Variants in BPNT1 observed in about 807,000 individuals in gnomAD.
BPNT1 encodes 3'(2'),5'-bisphosphate nucleotidase 1.
In BPNT1, 28 loss-of-function variants were observed where a neutral mutation model predicts 36.9. The ratio of observed to expected loss-of-function variants is 0.76; its 90% confidence interval spans 0.56 to 1.04. BPNT1 has a LOEUF of 1.04. BPNT1 is among the 50% of genes least tolerant of loss of function. The probability of loss-of-function intolerance (pLI) is 0.00; values close to 1 mark genes in which losing one functional copy is unlikely to be tolerated. For synonymous variants in BPNT1, 119 were observed against 130.9 expected (o/e 0.91, Z 0.62); for missense variants, 313 against 372.9 (o/e 0.84, Z 1.32).
At chr1:220,080,987 C>T (rs982191612) in intron 1 of BPNT1, among the ~76,000 whole-genome samples, 30 of 152,294 alleles carry the variant, frequency 2.0e-4, no homozygotes, top group South Asian at 1.2e-3. Flanking sequence ...TTTTTTGAGA[C>T]GGAGTCTCGC....
At chr1:220,074,575 A>G (rs982935373) in intron 2 of BPNT1, among the ~76,000 whole-genome samples, 7 of 151,822 alleles carry the variant, frequency 4.6e-5, no homozygotes, top group Non-Finnish European at 8.8e-5. Context: ...AGCTCACTGC[A>G]AACTCTGCCT....
rs371200572 is a variant in BPNT1 at position 220,069,352 on chromosome 1, C to T, written c.382+32G>A. 7 of 1,526,488 alleles carry T rather than the reference C, an allele frequency of 4.6e-6. No homozygotes were observed. The South Asian group carries it at 7.2e-5, about 16-fold the overall frequency. 94.6% of individuals were successfully genotyped at this position (1,526,488 alleles called of 1,614,324 possible). The stretch of plus-strand genomic sequence containing the variant: ...CTAACATCATATCCTTGTCCCACTA[C>T]TGTCAAATATGAATACAAAAGAGAT... On this transcript the variant is annotated intron_variant, in intron 5 of 8. Coordinates refer to ENST00000322067, the MANE Select transcript of BPNT1 (RefSeq NM_006085.6).
At chr1:220,075,301 C>T (rs1664448090) in intron 2 of BPNT1, among the ~76,000 whole-genome samples, 1 of 152,192 alleles carries the variant, frequency 6.6e-6, no homozygotes, top group African/African-American at 2.4e-5. Flanking sequence ...CTCGGGCTCC[C>T]AAAGTGCTGG....
intron 1 of BPNT1, among the ~76,000 whole-genome samples, chr1:220,084,847 A>G (rs1266021736): frequency 6.6e-6 from 1 of 152,230 alleles, no homozygotes; most frequent in Admixed American, 6.5e-5. Context: ...TAAGAAATAG[A>G]AGACAATAAA....
At chr1:220,076,203 C>T (rs1664530835) in intron 2 of BPNT1, among the ~76,000 whole-genome samples, 1 of 151,820 alleles carries the variant, frequency 6.6e-6, no homozygotes, top group South Asian at 2.1e-4. Flanking sequence ...CCTGCCTCTA[C>T]TAAAAATACA....
intron 1 of BPNT1, among the ~76,000 whole-genome samples, chr1:220,082,304 G>A (rs916482383): frequency 3.3e-5 from 5 of 150,164 alleles, no homozygotes; most frequent in South Asian, 2.1e-4. Context: ...CCTCAGCCTC[G>A]TGAGTAGCTG....
intron 1 of BPNT1, among the ~76,000 whole-genome samples, chr1:220,087,850 T>A (rs1304519025): frequency 6.6e-6 from 1 of 151,904 alleles, no homozygotes; most frequent in Non-Finnish European, 1.5e-5. Flanking sequence ...CAATGAGAAA[T>A]GATTATTTTA....
chr1:220,086,701 G>A (rs1327370032), intron 1 of BPNT1, among the ~76,000 whole-genome samples: 1 of 150,792 alleles, frequency 6.6e-6, no homozygotes, highest in Non-Finnish European at 1.5e-5. Context: ...TCAGCCTCTT[G>A]AGTAGCTGGG....
In BPNT1 at chr1:220,064,401, G is replaced by A. The variant is rs776992853; in HGVS notation, c.475-1447C>T. On this transcript the variant is annotated intron_variant, in intron 6 of 8. Coordinates refer to ENST00000322067, the MANE Select transcript of BPNT1 (RefSeq NM_006085.6). Reference sequence around the variant, plus strand: ...AGGTGGTATGTTTGTTAGGAAGTGCGCTTGGTATCAACACCTGTGGAAGGA... The same window carrying A: ...AGGTGGTATGTTTGTTAGGAAGTGCACTTGGTATCAACACCTGTGGAAGGA... Among the ~76,000 whole-genome samples the A allele has an allele frequency of 3.9e-5, 6 of 152,166 alleles. No individual in the cohort carries two copies. The East Asian group carries it at 5.8e-4, about 15-fold the overall frequency.
chr1:220,074,005 C>T lies in BPNT1; in HGVS notation c.187G>A (p.Ala63Thr). Residue 63 changes from alanine (A) to threonine (T), a missense_variant, in exon 3 of 9, where the codon GCC becomes ACC. Physicochemically the swap from Ala to Thr is moderately conservative, Grantham distance 58. Transcript: ENST00000322067. Reference sequence around the variant, plus strand: ...ATTGTGAGTTTGGGGAATTTCCGGGCCAATGAAGAACATATGCTCATCTGT... The same window carrying T: ...ATTGTGAGTTTGGGGAATTTCCGGGTCAATGAAGAACATATGCTCATCTGT... ...LAQMSICSSL[A>T]RKFPKLTIIG... 1 of 1,614,084 alleles carries T rather than the reference C, an allele frequency of 6.2e-7. No homozygotes were observed. Among genetic ancestry groups the T allele is most frequent in the Non-Finnish European group, 8.5e-7 (1 of 1,180,014 alleles).
rs574895553 is a variant in BPNT1 at position 220,072,878 on chromosome 1, G to A, written c.305C>T (p.Ser102Leu). 1.1e-5 allele frequency: 18 copies of A among 1,614,014 alleles called. No homozygotes were observed. Among genetic ancestry groups the A allele is most frequent in the South Asian group, 5.5e-5 (5 of 91,074 alleles). ...TTCTTCTTTAATAGCACTGTACTGC[G>A]ATGGGCATGGTTGCTTCAGTATTTC... ...WEEILKQPCP[S>L]QYSAIKEEDL... Residue 102 changes from serine (S) to leucine (L), a missense_variant, in exon 4 of 9, where the codon TCG (serine) becomes TTG (leucine). Physicochemically the swap from Ser to Leu is moderately radical, Grantham distance 145 (BLOSUM62 -2). Coordinates refer to ENST00000322067, the MANE Select transcript of BPNT1 (RefSeq NM_006085.6).
chr1:220,067,556 GC>G (rs1663651415), intron 5 of BPNT1, among the ~76,000 whole-genome samples, 163 bp from the exon 6 acceptor site: 1 of 152,088 alleles, frequency 6.6e-6, no homozygotes, highest in Non-Finnish European at 1.5e-5. Context: ...TGATAAGCTG[GC>G]CAGAAACAGC....
intron 1 of BPNT1, among the ~76,000 whole-genome samples, chr1:220,081,524 T>TA (rs987199695): frequency 1.3e-5 from 2 of 151,352 alleles, no homozygotes; most frequent in Non-Finnish European, 2.9e-5. Flanking sequence ...GCCTGGGCGA[T>TA]AGAGCGAGAG....
intron 6 of BPNT1, among the ~76,000 whole-genome samples, chr1:220,064,368 T>C (rs982444529): frequency 1.1e-4 from 17 of 152,202 alleles, no homozygotes; most frequent in African/African-American, 4.1e-4. Context: ...GGAAGCAGAC[T>C]CTGAGGCAGG....
In BPNT1 at chr1:220,076,701, T is replaced by TTAATAATAATAA. The variant is rs144111730; in HGVS notation, c.121-2642_121-2631dup. ...ACTCCTTCTTAAAAAAAAAAATAAA[T>TTAATAATAATAA]TAATAATAATAATAATAATAATAAT... On this transcript the variant is annotated intron_variant, in intron 2 of 8. Coordinates refer to ENST00000322067, the MANE Select transcript of BPNT1 (RefSeq NM_006085.6). Among the ~76,000 whole-genome samples, 542 of 144,150 alleles carry TTAATAATAATAA rather than the reference T, an allele frequency of 3.8e-3. 4 individuals are homozygous for TTAATAATAATAA. The highest frequency in any genetic ancestry group is 0.016 in the South Asian group (75 of 4,562). 94.6% of individuals were successfully genotyped at this position (144,150 alleles called of 152,430 possible).
rs757003991 is a variant in BPNT1 at position 220,074,091 on chromosome 1, T to C, written c.121-20A>G. The C allele has an allele frequency of 3.1e-6, 5 of 1,602,594 alleles. No homozygotes were observed. Among genetic ancestry groups the C allele is most frequent in the Non-Finnish European group, 4.3e-6 (5 of 1,174,808 alleles). ...ACAGGTCTGTAATAAAGAATGCAAA[T>C]TTTAGCAGAGCTAATGAAAAATAAG... On this transcript the variant is annotated intron_variant, in intron 2 of 8. Transcript: ENST00000322067.
chr1:220,059,243 CTTTTTTTTTTTTTT>C (rs11292010), intron 8 of BPNT1, among the ~76,000 whole-genome samples: 1 of 57,868 alleles, frequency 1.7e-5, no homozygotes, highest in Non-Finnish European at 3.0e-5. Context: ...ATTTTCTTTT[CTTTTTTTTTTTTTT>C]TTTTTTTTTT....
chr1:220,060,117 G>C (rs1662885403), intron 7 of BPNT1, among the ~76,000 whole-genome samples: 1 of 151,822 alleles, frequency 6.6e-6, no homozygotes, highest in African/African-American at 2.4e-5. Flanking sequence ...TTCTTTTTTA[G>C]TGTAAAAGCA....
In BPNT1 at chr1:220,057,838, CT is replaced by C. The variant is rs34887640; in HGVS notation, c.*1005del. ...TGGAGTAGAAACGTTTTTAAAATTA[CT>C]GTGAAAAACAAGAGTGAGATTCCAG... On this transcript the variant is annotated 3_prime_UTR_variant, in exon 9 of 9. Coordinates refer to ENST00000322067, the MANE Select transcript of BPNT1 (RefSeq NM_006085.6). 0.32 allele frequency: 415,857 copies of C among 1,298,800 alleles called. 70,391 individuals carry two copies. Among genetic ancestry groups the C allele is most frequent in the Non-Finnish European group, 0.35 (341,590 of 984,754 alleles). The allele number at this position is 1,298,800 out of a possible 1,614,324, so 80.5% of individuals were successfully genotyped here. A position where few individuals can be genotyped will look rare whatever the true frequency, so the allele number is the denominator to read the frequency against.
Sources: allele counts gnomAD v4.1 joint callset (sites outside exome capture counted in the v4.1 genomes callset), GRCh38; gene constraint gnomAD v4.1.1; transcripts MANE v1.5; gene names NCBI Gene and HGNC (gene_info 2026-07-23, HGNC 2026-07-21).